FRYL: variants seen among roughly 807,000 people sequenced by gnomAD.
FRYL encodes the protein FRY like transcription coactivator.
In FRYL, 150 loss-of-function variants were observed where a neutral mutation model predicts 351.2. The observed-to-expected ratio is 0.43, with a 90% CI of 0.37 to 0.49. FRYL has a LOEUF of 0.49. Among genes scored for constraint, FRYL ranks in the 20% least tolerant of loss-of-function variants. The probability of loss-of-function intolerance (pLI) is 0.00; values close to 1 mark genes in which losing one functional copy is unlikely to be tolerated. For synonymous variants in FRYL, 1,153 were observed against 1,257.1 expected (o/e 0.92, Z 1.75); for missense variants, 3,036 against 3,619.3 (o/e 0.84, Z 4.13).
At chr4:48,732,970 G>A (rs764474047) in intron 1 of FRYL, among the ~76,000 whole-genome samples, 12 of 151,040 alleles carry the variant, frequency 7.9e-5, no homozygotes, top group Non-Finnish European at 5.9e-5. Context: ...AAAGTGGAAT[G>A]AAATATTTAA....
At chr4:48,701,497 A>G (rs1766710259) in intron 2 of FRYL, among the ~76,000 whole-genome samples, 1 of 152,214 alleles carries the variant, frequency 6.6e-6, no homozygotes, top group African/African-American at 2.4e-5. Context: ...AAATTGAATA[A>G]GAGAGAGACA....
intron 63 of FRYL, 132 bp from the exon 64 acceptor site, chr4:48,499,812 A>AT: frequency 2.1e-6 from 2 of 930,766 alleles, no homozygotes; most frequent in Non-Finnish European, 3.2e-6. Flanking sequence ...TTGAGCAAAT[A>AT]TTACTCAAAG....
intron 1 of FRYL, among the ~76,000 whole-genome samples, chr4:48,725,197 A>T (rs1209315214): frequency 6.6e-6 from 1 of 152,214 alleles, no homozygotes; most frequent in Non-Finnish European, 1.5e-5. Context: ...TACATCGGCC[A>T]TATCTGCTGT....
In FRYL at chr4:48,710,690, T is replaced by A. The variant is rs1185877844; in HGVS notation, c.-375A>T. On this transcript the variant is annotated 5_prime_UTR_variant, in exon 2 of 64. Coordinates refer to ENST00000358350, the MANE Select transcript of FRYL (RefSeq NM_015030.2). ...ACCGTGTGTGAAGCAGAATATGGAA[T>A]GTTCTAGGCTGGAAGATTAAAAAAT... 1 of 397,912 alleles carries A rather than the reference T, an allele frequency of 2.5e-6. No homozygotes were observed. The highest frequency in any genetic ancestry group is 4.4e-5 in the Admixed American group (1 of 22,696). 24.6% of individuals were successfully genotyped at this position (397,912 alleles called of 1,614,324 possible). A position where few individuals can be genotyped will look rare whatever the true frequency, so the allele number is the denominator to read the frequency against.
At chr4:48,706,137 C>G (rs937576367) in intron 2 of FRYL, among the ~76,000 whole-genome samples, 3 of 152,096 alleles carry the variant, frequency 2.0e-5, no homozygotes, top group Non-Finnish European at 4.4e-5. Context: ...CTGGCCTCAC[C>G]TCCCTTTTAG....
intron 3 of FRYL, among the ~76,000 whole-genome samples, chr4:48,663,851 T>C (rs1457068739): frequency 1.3e-5 from 2 of 149,782 alleles, no homozygotes; most frequent in East Asian, 2.0e-4. Flanking sequence ...ATATTAGAAG[T>C]GTGTGTGTCC....
chr4:48,656,452 T>C (rs1759171918), intron 3 of FRYL, among the ~76,000 whole-genome samples: 1 of 98,710 alleles, frequency 1.0e-5, no homozygotes, highest in Non-Finnish European at 2.0e-5. Context: ...ATAATGTACA[T>C]ATAATCATGT....
chr4:48,653,294 T>C (rs907089362), intron 3 of FRYL, among the ~76,000 whole-genome samples: 6 of 152,206 alleles, frequency 3.9e-5, no homozygotes, highest in Non-Finnish European at 7.3e-5. Context: ...ATGTTTCTAG[T>C]GCCTTAAGAT....
rs1718970029 is a variant in FRYL at position 48,498,950 on chromosome 4, G to T, written c.*472C>A. The stretch of plus-strand genomic sequence containing the variant: ...CGTATAGCTGACTGCATGTTCATGT[G>T]GATGGATGATTAAGCATCAATTGCA... On this transcript the variant is annotated 3_prime_UTR_variant, in exon 64 of 64. Transcript: ENST00000358350. 1.1e-5 allele frequency: 2 copies of T among 179,912 alleles called. No homozygotes were observed. The highest frequency in any genetic ancestry group is 5.5e-5 in the Admixed American group (1 of 18,326). The allele number at this position is 179,912 out of a possible 1,614,324, so 11.1% of individuals were successfully genotyped here.
At chr4:48,734,641 A>G (rs1306952665) in intron 1 of FRYL, among the ~76,000 whole-genome samples, 1 of 152,234 alleles carries the variant, frequency 6.6e-6, no homozygotes. Context: ...AAGATAGAAC[A>G]CATTCTGGGC....
At position 48,567,986 on chromosome 4, in the gene FRYL, C is replaced by T. The variant is rs1373250085; in HGVS notation, c.2997-566G>A. Among the ~76,000 whole-genome samples the T allele has an allele frequency of 6.6e-6, 1 of 152,184 alleles. No individual in the cohort carries two copies. The highest frequency in any genetic ancestry group is 2.4e-5 in the African/African-American group (1 of 41,452). On this transcript the variant is annotated intron_variant, in intron 27 of 63. Transcript: ENST00000358350. The surrounding 1 kb of genome is among the most constrained non-coding windows in gnomAD (Gnocchi z 4.2). ...TGCCTTTAAGAATATCTGCAATGTG[C>T]TGGGCGCGGTGGCTCACACCTGTAA...
chr4:48,771,946 G>A (rs1775559880), intron 1 of FRYL, among the ~76,000 whole-genome samples: 1 of 152,136 alleles, frequency 6.6e-6, no homozygotes, highest in Admixed American at 6.5e-5. Flanking sequence ...ACCCCCAAAA[G>A]CAGACATGAT....
intron 59 of FRYL, among the ~76,000 whole-genome samples, chr4:48,507,002 A>G (rs1721205611): frequency 6.6e-6 from 1 of 152,186 alleles, no homozygotes; most frequent in African/African-American, 2.4e-5. Flanking sequence ...TGCAGTTGAC[A>G]TCTAACATGG....
At chr4:48,778,859 C>A (rs1341971746) in intron 1 of FRYL, among the ~76,000 whole-genome samples, 1 of 151,918 alleles carries the variant, frequency 6.6e-6, no homozygotes, top group Non-Finnish European at 1.5e-5. Context: ...ACCCTGGCAA[C>A]CTGTCTTGCT....
At chr4:48,617,238 G>A (rs1200998730) in intron 7 of FRYL, among the ~76,000 whole-genome samples, 1 of 151,894 alleles carries the variant, frequency 6.6e-6, no homozygotes, top group Non-Finnish European at 1.5e-5. Context: ...TAGCTATCAA[G>A]GCCACTGTAT....
rs373701631 is a variant in FRYL at position 48,546,287 on chromosome 4, C to T, written c.5075-16G>A. Reference sequence around the variant, plus strand: ...TTAATGCCTGCTGAAAGAGAAAGATCGTCATGAATACCTAAAACATGAAAG... The same window carrying T: ...TTAATGCCTGCTGAAAGAGAAAGATTGTCATGAATACCTAAAACATGAAAG... On this transcript the variant is annotated splice_polypyrimidine_tract_variant and intron_variant, in intron 41 of 63. Coordinates refer to ENST00000358350, the MANE Select transcript of FRYL (RefSeq NM_015030.2). 4 of 1,578,588 alleles carry T rather than the reference C, an allele frequency of 2.5e-6. No individual in the cohort carries two copies. Among genetic ancestry groups the T allele is most frequent in the East Asian group, 2.2e-5 (1 of 44,546 alleles).
In FRYL at chr4:48,663,599, C is replaced by T. The variant is rs1049889729; in HGVS notation, c.-81+21074G>A. Among the ~76,000 whole-genome samples the T allele has an allele frequency of 5.3e-5, 8 of 150,586 alleles. No homozygotes were observed. The East Asian group carries it at 1.6e-3, about 29-fold the overall frequency. ...CCCCTTCCTGGCTAACACGGTGAAA[C>T]CCCGTCTCTACTAAAAATACAAAAA... On this transcript the variant is annotated intron_variant, in intron 3 of 63. Coordinates refer to ENST00000358350, the MANE Select transcript of FRYL (RefSeq NM_015030.2).
At chr4:48,631,234 T>C (rs1752895144) in intron 4 of FRYL, among the ~76,000 whole-genome samples, 1 of 152,138 alleles carries the variant, frequency 6.6e-6, no homozygotes. Context: ...GAGTAAGCAG[T>C]GATGCCTCTT....
In FRYL at chr4:48,503,059, A is replaced by G. The variant is rs552201683; in HGVS notation, c.8464-214T>C. 1.1e-4 allele frequency among the ~76,000 whole-genome samples: 16 copies of G among 152,280 alleles called. No homozygotes were observed. In the East Asian group the frequency reaches 3.1e-3, roughly 29 times the overall value. Reference sequence around the variant, plus strand: ...TCAGGGTGTTTTTAAACACTTTGCCAAATAATAAATTACATTTAGGCTATG... The same window carrying G: ...TCAGGGTGTTTTTAAACACTTTGCCGAATAATAAATTACATTTAGGCTATG... On this transcript the variant is annotated intron_variant, in intron 60 of 63. Coordinates refer to ENST00000358350, the MANE Select transcript of FRYL (RefSeq NM_015030.2).
Sources: gnomAD v4.1 joint callset for allele counts (sites outside exome capture counted in the v4.1 genomes callset) on GRCh38, gnomAD v4.1.1 for gene constraint, Gnocchi (gnomAD v3.1) non-coding constraint, MANE v1.5 for transcripts, NCBI Gene and HGNC (gene_info 2026-07-23, HGNC 2026-07-21) for gene names.